The following ANKS1A variants were observed in gnomAD, a reference collection of about 807,000 sequenced individuals.
ANKS1A encodes ankyrin repeat and sterile alpha motif domain containing 1A.
Under a neutral mutation model 120.3 loss-of-function variants are expected in ANKS1A, and 55 were observed. That is an observed-to-expected ratio of 0.46 (90% confidence interval 0.37 to 0.57). The LOEUF (loss-of-function observed/expected upper bound fraction) is 0.57. Among genes scored for constraint, ANKS1A ranks in the 20% least tolerant of loss-of-function variants. ANKS1A has a pLI of 0.00. For missense variants in ANKS1A, 1,123 were observed against 1,480.3 expected (o/e 0.76, Z 3.96); for synonymous variants, 590 against 604.7 (o/e 0.98, Z 0.36).
chr6:34,949,016 T>C (rs1479290927), intron 1 of ANKS1A, among the ~76,000 whole-genome samples: 3 of 152,238 alleles, frequency 2.0e-5, no homozygotes, highest in Non-Finnish European at 4.4e-5. Context: ...CTGTGTCTGT[T>C]TCCTCATCCG....
chr6:35,082,683 T>G lies in ANKS1A; in HGVS notation c.2710-8T>G. 1 of 1,604,944 alleles carries G rather than the reference T, an allele frequency of 6.2e-7. No homozygotes were observed. The highest frequency in any genetic ancestry group is 1.1e-5 in the South Asian group (1 of 90,080). On this transcript the variant is annotated splice_polypyrimidine_tract_variant and splice_region_variant and intron_variant, in intron 17 of 23. Coordinates refer to ENST00000360359, the MANE Select transcript of ANKS1A (RefSeq NM_015245.3). This position sits in a 1 kb window ranked among gnomAD's most constrained non-coding sequence, Gnocchi z 4.1. ...AGGAGCAGGTGTCCAATTGCGTGTG[T>G]TTCGCAGGAGGAGCACCGTGAGGCC...
intron 1 of ANKS1A, among the ~76,000 whole-genome samples, chr6:34,929,682 A>G (rs916676330): frequency 1.3e-5 from 2 of 152,140 alleles, no homozygotes; most frequent in African/African-American, 4.8e-5. Flanking sequence ...ATGAAGATTC[A>G]TAATCACACT....
Position 35,059,377 on chromosome 6 carries a change from T to C in ANKS1A, c.2078-770T>C, listed in dbSNP as rs570177553. ...AGCCTGACCCCCGAGCCCCGGCCCA[T>C]GTGCCCCATTCAGCCCCTTGCTGCC... On this transcript the variant is annotated intron_variant, in intron 12 of 23. Coordinates refer to ENST00000360359, the MANE Select transcript of ANKS1A (RefSeq NM_015245.3). 2.4e-3 allele frequency among the ~76,000 whole-genome samples: 370 copies of C among 152,324 alleles called. 1 individual carries two copies. Among genetic ancestry groups the C allele is most frequent in the Non-Finnish European group, 4.1e-3 (279 of 68,022 alleles).
chr6:34,950,175 C>G (rs189396498), intron 1 of ANKS1A, among the ~76,000 whole-genome samples: 8 of 150,062 alleles, frequency 5.3e-5, no homozygotes, highest in African/African-American at 2.0e-4. Context: ...GAGACCCTGT[C>G]TCTTAAAACA....
rs149416311 is a variant in ANKS1A at position 34,991,541 on chromosome 6, TACACAC to T, written c.1302+2259_1302+2264del. Reference sequence around the variant, plus strand: ...ACATAGCCGGGAAAAAAAAAATATATACACACACACACACACACACACACACACACA... The same window carrying T: ...ACATAGCCGGGAAAAAAAAAATATATACACACACACACACACACACACACA... On this transcript the variant is annotated intron_variant, in intron 9 of 23. Transcript: ENST00000360359. Among the ~76,000 whole-genome samples, 1,096 of 138,482 alleles carry T rather than the reference TACACAC, an allele frequency of 7.9e-3. 36 individuals carry two copies. The highest frequency in any genetic ancestry group is 0.026 in the African/African-American group (931 of 35,564). 90.8% of individuals were successfully genotyped at this position (138,482 alleles called of 152,430 possible). A position where few individuals can be genotyped will look rare whatever the true frequency, so the allele number is the denominator to read the frequency against.
chr6:35,012,023 A>G, intron 10 of ANKS1A, among the ~76,000 whole-genome samples: 1 of 152,188 alleles, frequency 6.6e-6, no homozygotes, highest in South Asian at 2.1e-4. Flanking sequence ...CAAAGCCTGT[A>G]CTTTTAACCA....
At chr6:34,914,584 A>C (rs1768068446) in intron 1 of ANKS1A, among the ~76,000 whole-genome samples, 1 of 152,224 alleles carries the variant, frequency 6.6e-6, no homozygotes, top group African/African-American at 2.4e-5. Context: ...TGAGTTGGCC[A>C]GGATGGGTGA....
chr6:35,031,778 T>G (rs1561926403), intron 11 of ANKS1A, among the ~76,000 whole-genome samples: 1 of 152,210 alleles, frequency 6.6e-6, no homozygotes, highest in Admixed American at 6.5e-5. Context: ...TCCAGACTCC[T>G]TAGCCTGGAG....
chr6:34,967,950 C>G (rs1770982533), intron 2 of ANKS1A, among the ~76,000 whole-genome samples: 1 of 151,792 alleles, frequency 6.6e-6, no homozygotes, highest in South Asian at 2.1e-4. Flanking sequence ...TTTGGGGCAG[C>G]CAGAACATAA....
intron 1 of ANKS1A, among the ~76,000 whole-genome samples, chr6:34,893,707 G>A (rs1020214203): frequency 1.3e-5 from 2 of 152,080 alleles, no homozygotes; most frequent in Admixed American, 6.5e-5. Flanking sequence ...TGTGTAACAG[G>A]CCAACAAAAA....
At chr6:35,080,024 T>C (rs1244065175) in intron 16 of ANKS1A, 96 bp downstream of exon 16, 7 of 1,380,368 alleles carry the variant, frequency 5.1e-6, no homozygotes, top group African/African-American at 1.4e-5. Flanking sequence ...ACCACTGTAG[T>C]GTAGGAGAAA....
At chr6:34,925,113 AT>A (rs1455284907) in intron 1 of ANKS1A, among the ~76,000 whole-genome samples, 4 of 152,174 alleles carry the variant, frequency 2.6e-5, no homozygotes, top group Non-Finnish European at 5.9e-5. Flanking sequence ...AGGAGACTTA[AT>A]TCACCTTACT....
rs375751828 is a variant in ANKS1A at position 35,079,492 on chromosome 6, T to C, written c.2284-24T>C. 3.1e-5 allele frequency: 50 copies of C among 1,612,612 alleles called. No homozygotes were observed. In the Middle Eastern group the frequency reaches 6.7e-4, roughly 21 times the overall value. On this transcript the variant is annotated intron_variant, in intron 14 of 23. Coordinates refer to ENST00000360359, the MANE Select transcript of ANKS1A (RefSeq NM_015245.3). The stretch of plus-strand genomic sequence containing the variant: ...CTCCTGTGAGTGCTGAGATGTCAGT[T>C]TCACCTCCCTCCTTGCCCTGTAGGT...
chr6:35,033,697 T>G (rs924485579), intron 11 of ANKS1A, among the ~76,000 whole-genome samples: 7 of 152,244 alleles, frequency 4.6e-5, no homozygotes, highest in African/African-American at 1.7e-4. Flanking sequence ...GTTTCACCGC[T>G]GACAAAGATT....
chr6:34,997,638 T>C (rs1205875982), intron 10 of ANKS1A, among the ~76,000 whole-genome samples: 1 of 152,212 alleles, frequency 6.6e-6, no homozygotes, highest in Non-Finnish European at 1.5e-5. Context: ...TTGAAAATGG[T>C]TCATAGTGAA....
intron 8 of ANKS1A, among the ~76,000 whole-genome samples, chr6:34,988,200 AC>A (rs1772309300): frequency 6.6e-6 from 1 of 152,248 alleles, no homozygotes. Context: ...TCATTTATTT[AC>A]ATATCATCTG....
At chr6:34,935,180 G>A (rs1769188029) in intron 1 of ANKS1A, among the ~76,000 whole-genome samples, 1 of 152,154 alleles carries the variant, frequency 6.6e-6, no homozygotes, top group Admixed American at 6.5e-5. Flanking sequence ...TCCAACAACT[G>A]GGCTTAAGCC....
chr6:35,047,814 G>T (rs1775781278), intron 11 of ANKS1A, among the ~76,000 whole-genome samples: 1 of 152,218 alleles, frequency 6.6e-6, no homozygotes, highest in Non-Finnish European at 1.5e-5. Flanking sequence ...CATTTGGCAA[G>T]TATTGGTTCC....
intron 13 of ANKS1A, among the ~76,000 whole-genome samples, chr6:35,065,185 A>G (rs1419758418): frequency 6.6e-6 from 1 of 151,814 alleles, no homozygotes; most frequent in African/African-American, 2.4e-5. Flanking sequence ...TTTGGGGCCT[A>G]TTTCCAGCGA....
Sources: gnomAD v4.1 joint callset for allele counts (sites outside exome capture counted in the v4.1 genomes callset) on GRCh38, gnomAD v4.1.1 for gene constraint, Gnocchi (gnomAD v3.1) non-coding constraint, MANE v1.5 for transcripts, NCBI Gene and HGNC (gene_info 2026-07-23, HGNC 2026-07-21) for gene names.